Variants in TMEM100 observed in about 807,000 individuals in gnomAD.
TMEM100 encodes the protein transmembrane protein 100.
For synonymous variants in TMEM100, 61 were observed against 67.1 expected (o/e 0.91, Z 0.44); for missense variants, 137 against 168.2 (o/e 0.81, Z 1.02).
At chr17:55,723,589 C>G (rs1908978667), upstream of TMEM100, among the ~76,000 whole-genome samples, 1 of 152,134 alleles carries the variant, frequency 6.6e-6, no homozygotes, top group African/African-American at 2.4e-5. Context: ...TTAATTCTCA[C>G]TAGTTCATAA....
upstream of TMEM100, among the ~76,000 whole-genome samples, chr17:55,724,414 A>T (rs1231423362): frequency 6.6e-6 from 1 of 152,226 alleles, no homozygotes; most frequent in Non-Finnish European, 1.5e-5. Flanking sequence ...CTCACACTTT[A>T]AAAATGTCAG....
chr17:55,729,545 T>G (rs1909150653), intron 1 of TMEM100, among the ~76,000 whole-genome samples: 1 of 152,212 alleles, frequency 6.6e-6, no homozygotes, highest in East Asian at 1.9e-4. Flanking sequence ...TGATGCATTG[T>G]GTGAATTGTC....
At chr17:55,721,376 G>A in intron 1 of TMEM100, 1 of 282,314 alleles carries the variant, frequency 3.5e-6, no homozygotes, top group East Asian at 6.4e-5. Context: ...ATATACCCTG[G>A]CGGTCTACAA....
chr17:55,728,794 G>A (rs1909132735), intron 1 of TMEM100, among the ~76,000 whole-genome samples: 1 of 152,034 alleles, frequency 6.6e-6, no homozygotes, highest in Non-Finnish European at 1.5e-5. Context: ...AGGCCCAGGG[G>A]TGTGTGTGTG....
chr17:55,727,582 A>T (rs542057189), upstream of TMEM100, among the ~76,000 whole-genome samples: 6 of 152,274 alleles, frequency 3.9e-5, no homozygotes, highest in Admixed American at 3.9e-4. Context: ...GCCAAATATC[A>T]CTTGTCTTGG....
Position 55,720,645 on chromosome 17 carries a change from C to T in TMEM100, c.*21G>A. On this transcript the variant is annotated 3_prime_UTR_variant, in exon 2 of 2. Coordinates refer to ENST00000424486, the MANE Select transcript of TMEM100 (RefSeq NM_018286.3). The stretch of plus-strand genomic sequence containing the variant: ...AGAGCACGTTTTCCAGGCCCAATGG[C>T]CCATTTGGTCGTATTCAGTCTCAAG... 1.3e-6 allele frequency: 2 copies of T among 1,570,058 alleles called. No homozygotes were observed. The highest frequency in any genetic ancestry group is 1.7e-6 in the Non-Finnish European group (2 of 1,160,220).
upstream of TMEM100, among the ~76,000 whole-genome samples, chr17:55,724,413 T>C (rs1314812733): frequency 2.6e-5 from 4 of 152,316 alleles, no homozygotes; most frequent in East Asian, 7.7e-4. Flanking sequence ...CCTCACACTT[T>C]AAAAATGTCA....
chr17:55,732,059 T>G (rs897628309), exon 1 of TMEM100: 1 of 152,314 alleles, frequency 6.6e-6, no homozygotes, highest in East Asian at 1.9e-4. Flanking sequence ...ACAGGAAGCA[T>G]GTACCGCGGG....
upstream of TMEM100, chr17:55,727,849 C>G (rs1909111036): frequency 6.6e-6 from 1 of 152,332 alleles, no homozygotes; most frequent in Middle Eastern, 3.4e-3. Flanking sequence ...CTTAAAATGA[C>G]TGGCTCAGGA....
intron 1 of TMEM100, among the ~76,000 whole-genome samples, chr17:55,729,759 T>G (rs898261968): frequency 6.6e-6 from 1 of 152,250 alleles, no homozygotes; most frequent in African/African-American, 2.4e-5. Context: ...TTATTTTTAC[T>G]GACCATATGC....
chr17:55,723,214 G>C (rs192531389), upstream of TMEM100, among the ~76,000 whole-genome samples: 260 of 152,244 alleles, frequency 1.7e-3, 2 homozygotes, highest in African/African-American at 5.9e-3. Context: ...ACAGAGCCGA[G>C]GGGACAGATA....
At chr17:55,731,680 T>G (rs947535423) in exon 1 of TMEM100, 2 of 152,238 alleles carry the variant, frequency 1.3e-5, no homozygotes, top group African/African-American at 4.8e-5. Context: ...CCTTTTACTG[T>G]GGATAGTCAT....
intron 1 of TMEM100, among the ~76,000 whole-genome samples, chr17:55,730,138 T>C (rs997017030): frequency 6.6e-6 from 1 of 152,224 alleles, no homozygotes; most frequent in East Asian, 1.9e-4. Context: ...GTTGAGGGGT[T>C]TACCATGAAC....
upstream of TMEM100, among the ~76,000 whole-genome samples, chr17:55,725,701 A>ATGTGTGTGTGTGTGTGTGTGTGTG (rs57564459): frequency 1.4e-5 from 2 of 139,590 alleles, no homozygotes; most frequent in South Asian, 2.4e-4. Context: ...ACCCATATAT[A>ATGTGTGTGTGTGTGTGTGTGTGTG]TGTGTGTGTG....
In TMEM100 at chr17:55,720,046, T is replaced by G. The variant is rs1908812445; in HGVS notation, c.*620A>C. 1 of 152,644 alleles carries G rather than the reference T, an allele frequency of 6.6e-6. No individual in the cohort carries two copies. The highest frequency in any genetic ancestry group is 2.1e-4 in the South Asian group (1 of 4,828). 9.5% of individuals were successfully genotyped at this position (152,644 alleles called of 1,614,324 possible). On this transcript the variant is annotated 3_prime_UTR_variant, in exon 2 of 2. Transcript: ENST00000424486. ...CCAACAGCATCTATTAGCTATAACTTTAATGGGTTTTTCTTTACTTCTGAT... is the reference window on the plus strand; with the variant it reads ...CCAACAGCATCTATTAGCTATAACTGTAATGGGTTTTTCTTTACTTCTGAT...
At chr17:55,726,547 G>C (rs141654046), upstream of TMEM100, among the ~76,000 whole-genome samples, 1 of 152,124 alleles carries the variant, frequency 6.6e-6, no homozygotes, top group Admixed American at 6.5e-5. Context: ...TTGATTACTC[G>C]CCTGTCTTTA....
chr17:55,720,679 C>A lies in TMEM100; in HGVS notation c.392G>T (p.Ser131Ile), dbSNP rs1195802783. 2 of 1,606,394 alleles carry A rather than the reference C, an allele frequency of 1.2e-6. No homozygotes were observed. The highest frequency in any genetic ancestry group is 8.5e-7 in the Non-Finnish European group (1 of 1,176,848). ...SQTALVANQR[S>I]LFA is the part of the protein sequence containing the mutation. ...TCGTATTCAGTCTCAAGCAAACAAG[C>A]TTCTCTGATTTGCCACGAGAGCTGT... Residue 131 changes from serine to isoleucine, a missense_variant, in exon 2 of 2, where the codon AGC (serine) becomes ATC (isoleucine). Transcript: ENST00000424486.
intron 1 of TMEM100, among the ~76,000 whole-genome samples, chr17:55,731,270 G>C (rs1331741189): frequency 6.6e-6 from 1 of 152,148 alleles, no homozygotes; most frequent in Admixed American, 6.5e-5. Context: ...CGCTAATAGG[G>C]CTTGATCATC....
intron 1 of TMEM100, among the ~76,000 whole-genome samples, chr17:55,731,073 T>C (rs1157188696): frequency 6.6e-6 from 1 of 152,214 alleles, no homozygotes; most frequent in East Asian, 1.9e-4. Flanking sequence ...ATTCCAGCTG[T>C]ACATTTGTAC....
Sources: gnomAD v4.1 joint callset for allele counts (sites outside exome capture counted in the v4.1 genomes callset) on GRCh38, gnomAD v4.1.1 for gene constraint, MANE v1.5 for transcripts, NCBI Gene and HGNC (gene_info 2026-07-23, HGNC 2026-07-21) for gene names.